RBFOX1: variants seen among roughly 807,000 people sequenced by gnomAD.
RBFOX1 encodes the protein RNA binding protein fox-1 homolog 1.
RBFOX1 carries 8 observed loss-of-function variants against 57.7 expected under a neutral mutation model. That is an observed-to-expected ratio of 0.14 (90% CI 0.08 to 0.25). RBFOX1 has a LOEUF of 0.25. Ranked by LOEUF, RBFOX1 falls within the 10% of genes least tolerant of loss-of-function variation. The probability of loss-of-function intolerance (pLI) is 1.00; values close to 1 mark genes in which losing one functional copy is unlikely to be tolerated. For synonymous variants in RBFOX1, 326 were observed against 222.4 expected, an observed-to-expected ratio of 1.47 and a Z score of -4.15; for missense variants, 611 against 548.5, an observed-to-expected ratio of 1.11 and a Z score of -1.14.
chr16:6,726,838 T>C (rs1327555896), intron 3 of RBFOX1, among the ~76,000 whole-genome samples: 1 of 152,124 alleles, frequency 6.6e-6, no homozygotes, highest in East Asian at 1.9e-4. Flanking sequence ...AACACCAAGT[T>C]CTCTCTGTGG....
chr16:6,820,102 G>A (rs981043512), intron 3 of RBFOX1, among the ~76,000 whole-genome samples: 1 of 152,132 alleles, frequency 6.6e-6, no homozygotes, highest in South Asian at 2.1e-4. Context: ...TAGTGAGTAA[G>A]TCTCATGAAA....
intron 1 of RBFOX1, among the ~76,000 whole-genome samples, chr16:6,036,047 C>G (rs1247232018): frequency 1.3e-5 from 2 of 152,198 alleles, no homozygotes; most frequent in Admixed American, 1.3e-4. Flanking sequence ...AGTAACATCT[C>G]TCTCCCCTCC....
At position 7,371,509 on chromosome 16, in the gene RBFOX1, G is replaced by T. The variant is rs751873038; in HGVS notation, c.28-146638G>T. On this transcript the variant is annotated intron_variant, in intron 4 of 15. Transcript: ENST00000550418. Reference sequence around the variant, plus strand: ...TCACGCCTGTAATCCCAGAACTCTGGGAGGATGAGGCAGGCGGATAACCTG... The same window carrying T: ...TCACGCCTGTAATCCCAGAACTCTGTGAGGATGAGGCAGGCGGATAACCTG... 7.7e-4 allele frequency among the ~76,000 whole-genome samples: 117 copies of T among 152,184 alleles called. 1 individual carries two copies. Among genetic ancestry groups the T allele is most frequent in the Non-Finnish European group, 3.2e-4 (22 of 68,042 alleles).
intron 4 of RBFOX1, among the ~76,000 whole-genome samples, chr16:7,138,848 G>T (rs899186968): frequency 2.6e-5 from 4 of 152,166 alleles, no homozygotes; most frequent in East Asian, 1.9e-4. Context: ...TGGCTCTGCT[G>T]CCTAGCCTGG....
At chr16:5,554,887 C>A (rs2045611310) in intron 2 of RBFOX1, among the ~76,000 whole-genome samples, 1 of 152,178 alleles carries the variant, frequency 6.6e-6, no homozygotes, top group African/African-American at 2.4e-5. Flanking sequence ...GTGGTACAAC[C>A]TACAGACCTT....
intron 3 of RBFOX1, among the ~76,000 whole-genome samples, chr16:6,961,381 G>A (rs1462543034): frequency 1.3e-5 from 2 of 152,084 alleles, no homozygotes; most frequent in Admixed American, 6.5e-5. Context: ...TAATTTCCCA[G>A]CGCTGCTATA....
At chr16:5,443,955 G>T (rs1295220746) in intron 1 of RBFOX1, among the ~76,000 whole-genome samples, 4 of 152,142 alleles carry the variant, frequency 2.6e-5, no homozygotes, top group Admixed American at 1.3e-4. Flanking sequence ...GAAGTGTCAG[G>T]CATGTCAACC....
At chr16:6,501,194 G>C (rs1384798107) in intron 2 of RBFOX1, among the ~76,000 whole-genome samples, 1 of 146,786 alleles carries the variant, frequency 6.8e-6, no homozygotes, top group African/African-American at 2.6e-5. Flanking sequence ...CAACGTGCAG[G>C]TTTGTTACAT....
intron 5 of RBFOX1, among the ~76,000 whole-genome samples, chr16:7,521,958 G>T (rs1447249409): frequency 6.6e-6 from 1 of 152,136 alleles, no homozygotes; most frequent in East Asian, 1.9e-4. Flanking sequence ...TCAGGCTCCA[G>T]TCACCACCTG....
At chr16:7,520,203 A>T (rs79448058) in intron 5 of RBFOX1, among the ~76,000 whole-genome samples, 7,342 of 152,190 alleles carry the variant, frequency 0.048, 456 homozygotes, top group African/African-American at 0.14. Flanking sequence ...AAGATTTTTT[A>T]AAAAAATGGT....
intron 4 of RBFOX1, among the ~76,000 whole-genome samples, chr16:7,145,593 G>C (rs957284736): frequency 2.0e-4 from 30 of 151,990 alleles, no homozygotes; most frequent in Admixed American, 1.6e-3. Context: ...CACTTACTGT[G>C]TTTTACCCCT....
chr16:6,640,564 T>A (rs4297680), intron 2 of RBFOX1, among the ~76,000 whole-genome samples: 2 of 152,090 alleles, frequency 1.3e-5, no homozygotes, highest in Admixed American at 6.5e-5. Context: ...GCTGTGATCA[T>A]GCCACTGCAC....
At chr16:5,611,778 C>G (rs1346784567) in intron 3 of RBFOX1, among the ~76,000 whole-genome samples, 1 of 118,454 alleles carries the variant, frequency 8.4e-6, no homozygotes, top group African/African-American at 3.2e-5. Flanking sequence ...TCCCATCCAT[C>G]CATCCATCCA....
intron 3 of RBFOX1, among the ~76,000 whole-genome samples, chr16:5,634,422 C>G (rs1412953489): frequency 1.3e-5 from 2 of 152,182 alleles, no homozygotes; most frequent in Non-Finnish European, 1.5e-5. Flanking sequence ...TAATTGGACA[C>G]TTACTCATTT....
chr16:5,596,087 A>C (rs972269800), intron 2 of RBFOX1, among the ~76,000 whole-genome samples: 1 of 152,152 alleles, frequency 6.6e-6, no homozygotes, highest in Non-Finnish European at 1.5e-5. Flanking sequence ...CCTCAGGCTC[A>C]GGGATGTGGA....
chr16:6,916,541 C>G lies in RBFOX1; in HGVS notation c.-15-135516C>G, dbSNP rs143752798. On this transcript the variant is annotated intron_variant, in intron 3 of 15. Coordinates refer to ENST00000550418, the MANE Select transcript of RBFOX1 (RefSeq NM_018723.4). ...ACCATCTCCAGGACCATTAGTGGCA[C>G]AGATACCACAGTTTAAGAAATCCCA... is the stretch of plus-strand genomic sequence containing the variant. Among the ~76,000 whole-genome samples the G allele has an allele frequency of 5.2e-3, 784 of 151,648 alleles. 8 individuals carry two copies. The highest frequency in any genetic ancestry group is 0.027 in the Middle Eastern group (8 of 294).
chr16:5,916,991 T>C (rs1264034448), intron 4 of RBFOX1, among the ~76,000 whole-genome samples: 1 of 152,118 alleles, frequency 6.6e-6, no homozygotes, highest in Admixed American at 6.5e-5. Flanking sequence ...CTGCATCCCA[T>C]GTGCCCCTGG....
At chr16:5,693,212 C>G (rs549279885) in intron 3 of RBFOX1, among the ~76,000 whole-genome samples, 8 of 152,090 alleles carry the variant, frequency 5.3e-5, no homozygotes, top group Non-Finnish European at 1.2e-4. Flanking sequence ...CCCATGGGCC[C>G]TTTAACCCTC....
intron 2 of RBFOX1, among the ~76,000 whole-genome samples, chr16:6,322,454 C>T (rs1002462913): frequency 3.9e-5 from 6 of 152,118 alleles, no homozygotes; most frequent in African/African-American, 1.4e-4. Context: ...GATAGCCTTT[C>T]CTATTCTTTT....
Sources: gnomAD v4.1 joint callset for allele counts (sites outside exome capture counted in the v4.1 genomes callset) on GRCh38, gnomAD v4.1.1 for gene constraint, MANE v1.5 for transcripts, NCBI Gene and HGNC (gene_info 2026-07-23, HGNC 2026-07-21) for gene names.